Variants in KPNA5 observed in about 807,000 individuals in gnomAD.
The protein encoded by KPNA5 is karyopherin subunit alpha 5.
In KPNA5, 46 loss-of-function variants were observed where a neutral mutation model predicts 71.3. The observed-to-expected ratio is 0.65, with a 90% confidence interval of 0.51 to 0.83. The LOEUF is 0.83. Ranked by LOEUF, KPNA5 falls within the 40% of genes least tolerant of loss-of-function variation. KPNA5 has a pLI of 0.00. For missense variants in KPNA5, 547 were observed against 628.3 expected (o/e 0.87, Z 1.38); for synonymous variants, 207 against 201.4 (o/e 1.03, Z -0.24).
chr6:116,716,327 A>G lies in KPNA5; in HGVS notation c.756+9A>G. 1.3e-6 allele frequency: 2 copies of G among 1,527,136 alleles called. No homozygotes were observed. The highest frequency in any genetic ancestry group is 1.8e-6 in the Non-Finnish European group (2 of 1,106,626). The allele number at this position is 1,527,136 out of a possible 1,614,324, so 94.6% of individuals were successfully genotyped here. On this transcript the variant is annotated intron_variant, in intron 8 of 13. Coordinates refer to ENST00000368564, the MANE Select transcript of KPNA5 (RefSeq NM_001366306.2). ...CTCCAAACTTTAGTAAGGTATGAGTAAAATACACAAATTAAAATATTTGTT... is the reference window on the plus strand; with the variant it reads ...CTCCAAACTTTAGTAAGGTATGAGTGAAATACACAAATTAAAATATTTGTT...
chr6:116,693,805 C>G (rs1777907575), intron 4 of KPNA5, among the ~76,000 whole-genome samples: 1 of 151,858 alleles, frequency 6.6e-6, no homozygotes, highest in Non-Finnish European at 1.5e-5. Context: ...ACATGAAGTC[C>G]TTGCCCATGC....
intron 7 of KPNA5, among the ~76,000 whole-genome samples, chr6:116,715,091 TG>T (rs1244546845): frequency 1.3e-5 from 2 of 152,206 alleles, no homozygotes; most frequent in African/African-American, 4.8e-5. Context: ...ATTCTGACAG[TG>T]TTTGCAAGTT....
chr6:116,715,514 TACTCTGTTAAAA>T (rs1778853647), intron 7 of KPNA5, among the ~76,000 whole-genome samples: 3 of 152,190 alleles, frequency 2.0e-5, no homozygotes, highest in African/African-American at 2.4e-5. Context: ...TACTAAGACA[TACTCTGTTAAAA>T]ACACAACAAA....
chr6:116,736,490 A>G lies in KPNA5; in HGVS notation c.*4167A>G, dbSNP rs1247150203. ...TCACTTTTTTACTGGCACTAGCCAT[A>G]TTTCAAGTGCTCAGTAGGGAGTGCA... On this transcript the variant is annotated 3_prime_UTR_variant, in exon 14 of 14. Coordinates refer to ENST00000368564, the MANE Select transcript of KPNA5 (RefSeq NM_001366306.2). 1 of 152,000 alleles carries G rather than the reference A, an allele frequency of 6.6e-6. No homozygotes were observed. The highest frequency in any genetic ancestry group is 1.5e-5 in the Non-Finnish European group (1 of 67,914). 9.4% of individuals were successfully genotyped at this position (152,000 alleles called of 1,614,324 possible).
intron 12 of KPNA5, 142 bp downstream of exon 12, chr6:116,726,764 G>T: frequency 1.3e-6 from 1 of 743,248 alleles, no homozygotes; most frequent in Non-Finnish European, 2.0e-6. Flanking sequence ...TATTATATCA[G>T]TTACTCATTC....
chr6:116,731,184 A>C (rs1314255890), intron 13 of KPNA5, among the ~76,000 whole-genome samples: 1 of 152,070 alleles, frequency 6.6e-6, no homozygotes, highest in Non-Finnish European at 1.5e-5. Context: ...ATTTGCATTA[A>C]ATATTCACTT....
At chr6:116,691,933 A>G (rs1473545744) in intron 2 of KPNA5, 122 bp from the exon 3 acceptor site, 1 of 693,566 alleles carries the variant, frequency 1.4e-6, no homozygotes, top group Non-Finnish European at 2.5e-6. Flanking sequence ...TCAAATATTC[A>G]GAATTTTAAG....
At chr6:116,703,902 G>A (rs985920656) in intron 6 of KPNA5, among the ~76,000 whole-genome samples, 1 of 152,200 alleles carries the variant, frequency 6.6e-6, no homozygotes, top group African/African-American at 2.4e-5. Context: ...AAATGAATAT[G>A]TGTTCTGAGA....
intron 2 of KPNA5, among the ~76,000 whole-genome samples, chr6:116,690,797 CT>C (rs1440869549): frequency 3.0e-4 from 46 of 152,218 alleles, no homozygotes; most frequent in African/African-American, 1.1e-3. Context: ...TGCTCAGGTC[CT>C]TTATGTAAAA....
chr6:116,735,500 T>C lies in KPNA5; in HGVS notation c.*3177T>C, dbSNP rs1306114134. The C allele has an allele frequency of 2.0e-5, 3 of 151,752 alleles. No individual in the cohort carries two copies. Among genetic ancestry groups the C allele is most frequent in the Admixed American group, 2.0e-4 (3 of 15,182 alleles). 9.4% of individuals were successfully genotyped at this position (151,752 alleles called of 1,614,324 possible). A position where few individuals can be genotyped will look rare whatever the true frequency, so the allele number is the denominator to read the frequency against. On this transcript the variant is annotated 3_prime_UTR_variant, in exon 14 of 14. Transcript: ENST00000368564. ...CCAATATAATAGAGCTCTAAAAGGATAGTATATCTTTAAATTCTGACTGGG... is the reference window on the plus strand; with the variant it reads ...CCAATATAATAGAGCTCTAAAAGGACAGTATATCTTTAAATTCTGACTGGG...
rs1027592325 is a variant in KPNA5, at chr6:116,740,733, C to G, written c.*8410C>G. Reference sequence around the variant, plus strand: ...ATTGGAAATCATCCTTCTCAGTAAGCTATCGCAAGAACAAAAAACCAAATG... The same window carrying G: ...ATTGGAAATCATCCTTCTCAGTAAGGTATCGCAAGAACAAAAAACCAAATG... On this transcript the variant is annotated 3_prime_UTR_variant, in exon 14 of 14. Coordinates refer to ENST00000368564, the MANE Select transcript of KPNA5 (RefSeq NM_001366306.2). The G allele has an allele frequency of 1.3e-5, 2 of 151,614 alleles. No homozygotes were observed. The highest frequency in any genetic ancestry group is 2.4e-5 in the African/African-American group (1 of 41,256). 9.4% of individuals were successfully genotyped at this position (151,614 alleles called of 1,614,324 possible).
Position 116,715,819 on chromosome 6 carries a change from G to A in KPNA5, c.657-400G>A, listed in dbSNP as rs138064081. 6.2e-3 allele frequency among the ~76,000 whole-genome samples: 945 copies of A among 152,002 alleles called. 6 individuals are homozygous for A. Among genetic ancestry groups the A allele is most frequent in the African/African-American group, 0.022 (917 of 41,464 alleles). On this transcript the variant is annotated intron_variant, in intron 7 of 13. Transcript: ENST00000368564. Reference sequence around the variant, plus strand: ...TAATCCCAGCTACTTGGGAGGCTGCGGCAGGAGAATCGCTTGACCCAGGGG... The same window carrying A: ...TAATCCCAGCTACTTGGGAGGCTGCAGCAGGAGAATCGCTTGACCCAGGGG...
intron 7 of KPNA5, among the ~76,000 whole-genome samples, chr6:116,709,343 G>A (rs1405230977): frequency 4.6e-5 from 7 of 151,818 alleles, no homozygotes; most frequent in African/African-American, 9.7e-5. Context: ...GAATACAGGC[G>A]TGCACCACCA....
At chr6:116,694,317 T>C (rs558295853) in intron 4 of KPNA5, among the ~76,000 whole-genome samples, 1 of 152,290 alleles carries the variant, frequency 6.6e-6, no homozygotes, top group Admixed American at 6.5e-5. Context: ...AATCTAAAAA[T>C]TATCTTGGGC....
intron 1 of KPNA5, among the ~76,000 whole-genome samples, chr6:116,688,813 G>T (rs1777687631): frequency 6.6e-6 from 1 of 152,142 alleles, no homozygotes; most frequent in Non-Finnish European, 1.5e-5. Flanking sequence ...TTAAGGCAAT[G>T]CCTTCAGTAA....
At chr6:116,704,878 G>A (rs970936829) in intron 6 of KPNA5, among the ~76,000 whole-genome samples, 194 bp from the exon 7 acceptor site, 1 of 152,054 alleles carries the variant, frequency 6.6e-6, no homozygotes, top group African/African-American at 2.4e-5. Flanking sequence ...TGTTCAGCTG[G>A]AAAACTTTTT....
chr6:116,718,137 T>C (rs559054853), intron 8 of KPNA5, among the ~76,000 whole-genome samples: 17 of 152,268 alleles, frequency 1.1e-4, no homozygotes, highest in African/African-American at 4.1e-4. Context: ...TGCTTAAGCG[T>C]GTCTACCTAC....
intron 8 of KPNA5, among the ~76,000 whole-genome samples, chr6:116,721,531 T>C (rs1779106808): frequency 6.6e-6 from 1 of 152,092 alleles, no homozygotes; most frequent in Admixed American, 6.6e-5. Flanking sequence ...TTAAGGAACA[T>C]AGCATCAATA....
chr6:116,711,824 G>T (rs1468880232), intron 7 of KPNA5, among the ~76,000 whole-genome samples: 2 of 152,138 alleles, frequency 1.3e-5, no homozygotes, highest in African/African-American at 4.8e-5. Context: ...GTTTTGCCAC[G>T]TTGGCCCGGC....
Sources: allele counts gnomAD v4.1 joint callset (sites outside exome capture counted in the v4.1 genomes callset), GRCh38; gene constraint gnomAD v4.1.1; transcripts MANE v1.5; gene names NCBI Gene and HGNC (gene_info 2026-07-23, HGNC 2026-07-21).